The following TIMM23 variants were observed in gnomAD, a reference collection of about 807,000 sequenced individuals.
The protein encoded by TIMM23 is translocase of inner mitochondrial membrane 23, also known as mitochondrial import inner membrane translocase subunit Tim23.
Under a neutral mutation model 30.7 loss-of-function variants are expected in TIMM23, and 19 were observed. The ratio of observed to expected loss-of-function variants is 0.62; its 90% confidence interval spans 0.43 to 0.91. TIMM23 has a LOEUF of 0.91. TIMM23 is among the 40% of genes least tolerant of loss of function. The pLI, the probability that TIMM23 is intolerant of heterozygous loss-of-function variation, is 0.00. For synonymous variants in TIMM23, 78 were observed against 98.5 expected (o/e 0.79, Z 1.23); for missense variants, 202 against 269.2 (o/e 0.75, Z 1.75).
At chr10:45,990,768 A>G in intron 6 of TIMM23, 1 of 393,580 alleles carries the variant, frequency 2.5e-6, no homozygotes, top group Admixed American at 3.5e-5. Context: ...AAATAATATT[A>G]TTATCTTGAT....
At position 46,003,534 on chromosome 10, in the gene TIMM23, T is replaced by C; in HGVS notation, c.*216T>C. On this transcript the variant is annotated 3_prime_UTR_variant, in exon 7 of 7. Transcript: ENST00000580018. ...CAAAGCCCTTTGGTGACTCACTGAG[T>C]ACCATGGTTCTGTTCTCCTCTGGAG... is the stretch of plus-strand genomic sequence containing the variant. 1 of 463,906 alleles carries C rather than the reference T, an allele frequency of 2.2e-6. No individual in the cohort carries two copies. Among genetic ancestry groups the C allele is most frequent in the Non-Finnish European group, 4.0e-6 (1 of 252,804 alleles). 28.7% of individuals were successfully genotyped at this position (463,906 alleles called of 1,614,324 possible).
intron 6 of TIMM23, among the ~76,000 whole-genome samples, chr10:45,994,462 CT>C (rs1327781387): frequency 4.8e-5 from 6 of 125,012 alleles, no homozygotes; most frequent in Non-Finnish European, 5.0e-5. Flanking sequence ...TGAGCCCTTC[CT>C]TTTTTTTTGA....
At chr10:45,972,951 T>G (rs1554912124) in intron 1 of TIMM23, among the ~76,000 whole-genome samples, 1 of 152,110 alleles carries the variant, frequency 6.6e-6, no homozygotes, top group East Asian at 1.9e-4. Flanking sequence ...GTGATTGACC[T>G]GGACTCGCGA....
intron 2 of TIMM23, among the ~76,000 whole-genome samples, chr10:45,975,928 A>G (rs1837659981): frequency 6.6e-6 from 1 of 152,116 alleles, no homozygotes; most frequent in Non-Finnish European, 1.5e-5. Context: ...CAGCCTCCCA[A>G]GTAGCTGGGA....
intron 6 of TIMM23, among the ~76,000 whole-genome samples, chr10:46,000,615 G>A (rs1461877904): frequency 6.6e-6 from 1 of 152,196 alleles, no homozygotes; most frequent in Non-Finnish European, 1.5e-5. Context: ...TTATTTGATG[G>A]CTGAGAACTA....
chr10:46,002,598 C>A, intron 6 of TIMM23: 1 of 598,522 alleles, frequency 1.7e-6, no homozygotes, highest in African/African-American at 2.0e-5. Context: ...TAGTGGAGTT[C>A]TAAATCATAT....
chr10:46,001,431 A>T (rs930261681), intron 6 of TIMM23, among the ~76,000 whole-genome samples: 1 of 152,166 alleles, frequency 6.6e-6, no homozygotes. Flanking sequence ...AGCATTGGAA[A>T]ACTAAGAAGA....
At chr10:45,986,767 CT>C (rs1164625247) in intron 5 of TIMM23, among the ~76,000 whole-genome samples, 18 of 149,862 alleles carry the variant, frequency 1.2e-4, no homozygotes, top group Middle Eastern at 3.4e-3. Flanking sequence ...TCAAACCTCA[CT>C]TTTTTTTTAA....
At chr10:45,996,630 G>T (rs1838341611) in intron 6 of TIMM23, among the ~76,000 whole-genome samples, 1 of 151,980 alleles carries the variant, frequency 6.6e-6, no homozygotes, top group South Asian at 2.1e-4. Context: ...TTAAGGCTTT[G>T]ATTATTTTTT....
chr10:45,985,290 G>A (rs1191541688), intron 4 of TIMM23, 93 bp from the exon 5 acceptor site: 9 of 1,496,608 alleles, frequency 6.0e-6, no homozygotes, highest in Non-Finnish European at 8.4e-6. Context: ...TGCGCCCTGG[G>A]TCTAGACATG....
intron 6 of TIMM23, among the ~76,000 whole-genome samples, chr10:46,001,980 C>G (rs959362972): frequency 6.6e-6 from 1 of 152,066 alleles, no homozygotes; most frequent in Non-Finnish European, 1.5e-5. Context: ...AAGTGAAATC[C>G]TTGTTGCTAA....
At chr10:45,976,103 AAG>A (rs1554913035) in intron 2 of TIMM23, among the ~76,000 whole-genome samples, 2 of 152,182 alleles carry the variant, frequency 1.3e-5, no homozygotes, top group Non-Finnish European at 2.9e-5. Flanking sequence ...AAAAGTTTCA[AAG>A]AGTATCTTTT....
chr10:45,990,116 A>ATTTTTTTTT (rs782791725), intron 6 of TIMM23, among the ~76,000 whole-genome samples: 2 of 135,824 alleles, frequency 1.5e-5, no homozygotes, highest in Admixed American at 7.4e-5. Flanking sequence ...GCAACTTTTA[A>ATTTTTTTTT]TTTTTTTTTT....
At chr10:45,979,344 G>C (rs1554913671) in intron 2 of TIMM23, among the ~76,000 whole-genome samples, 1 of 152,122 alleles carries the variant, frequency 6.6e-6, no homozygotes, top group South Asian at 2.1e-4. Context: ...CTCCCAGACT[G>C]GAGTTGCAGT....
At chr10:45,985,950 C>T (rs4503482) in intron 5 of TIMM23, among the ~76,000 whole-genome samples, 1 of 152,180 alleles carries the variant, frequency 6.6e-6, no homozygotes, top group South Asian at 2.1e-4. Context: ...CAAAAGGTAA[C>T]TTAGTAGTGC....
chr10:45,996,902 C>G lies in TIMM23; in HGVS notation c.515-6301C>G, dbSNP rs1273773785. Among the ~76,000 whole-genome samples the G allele has an allele frequency of 5.0e-4, 75 of 149,738 alleles. 2 individuals carry two copies. The East Asian group carries it at 0.014, about 28-fold the overall frequency. ...ATCACCTGAGCCCAGGAGGTCAAAG[C>G]TGCAGTGTGCCTTCATTGTGCCACT... On this transcript the variant is annotated intron_variant, in intron 6 of 6. Transcript: ENST00000580018.
chr10:45,998,105 G>GT (rs1838403071), intron 6 of TIMM23, among the ~76,000 whole-genome samples: 1 of 152,084 alleles, frequency 6.6e-6, no homozygotes, highest in African/African-American at 2.4e-5. Context: ...CTAAGAATGT[G>GT]TTTTACGTTT....
chr10:45,993,604 C>T (rs1301955205), intron 6 of TIMM23, among the ~76,000 whole-genome samples: 3 of 151,690 alleles, frequency 2.0e-5, no homozygotes, highest in Non-Finnish European at 2.9e-5. Context: ...AATGAAATGC[C>T]GGGTGTGGTG....
intron 6 of TIMM23, among the ~76,000 whole-genome samples, chr10:45,995,127 A>G (rs1365987887): frequency 6.6e-6 from 1 of 151,742 alleles, no homozygotes; most frequent in Non-Finnish European, 1.5e-5. Context: ...CCTGTGACAT[A>G]GAATTAATGA....
Sources: gnomAD v4.1 joint callset for allele counts (sites outside exome capture counted in the v4.1 genomes callset) on GRCh38, gnomAD v4.1.1 for gene constraint, MANE v1.5 for transcripts, NCBI Gene and HGNC (gene_info 2026-07-23, HGNC 2026-07-21) for gene names.